Variants in CAMTA1 observed in about 807,000 individuals in gnomAD.
The protein encoded by CAMTA1 is calmodulin binding transcription activator 1.
In CAMTA1, 27 loss-of-function variants were observed where a neutral mutation model predicts 170.9. The observed-to-expected ratio is 0.16, with a 90% CI of 0.12 to 0.22. The LOEUF is 0.22. CAMTA1 is among the 10% of genes least tolerant of loss of function. The probability of loss-of-function intolerance (pLI) is 1.00; values close to 1 mark genes in which losing one functional copy is unlikely to be tolerated. For synonymous variants in CAMTA1, 833 were observed against 891.5 expected, an observed-to-expected ratio of 0.93 and a Z score of 1.17; for missense variants, 1,619 against 2,217.2, an observed-to-expected ratio of 0.73 and a Z score of 5.42.
chr1:7,166,637 A>G (rs1002243693), intron 4 of CAMTA1, among the ~76,000 whole-genome samples: 3 of 151,906 alleles, frequency 2.0e-5, no homozygotes, highest in African/African-American at 4.8e-5. Context: ...TTTCCTTGCT[A>G]TTGGATTGTC....
intron 2 of CAMTA1, among the ~76,000 whole-genome samples, chr1:6,820,795 C>G (rs1176199144): frequency 1.3e-5 from 2 of 152,146 alleles, no homozygotes; most frequent in East Asian, 3.8e-4. Context: ...TGCTTACTCC[C>G]TAATAAATAA....
intron 6 of CAMTA1, among the ~76,000 whole-genome samples, chr1:7,552,245 C>T (rs2094813422): frequency 1.3e-5 from 2 of 152,348 alleles, no homozygotes; most frequent in African/African-American, 4.8e-5. Context: ...ATGCTTCTGC[C>T]ACAAGAGGCT....
rs116516198 is a variant in CAMTA1, at chr1:7,738,580, C to T, written c.4182+98C>T. Reference sequence around the variant, plus strand: ...CCGAAGGTTGTGTCATTTTCCTCCCCGTGAAGCCTTCGAAGTTGGCTTTGT... The same window carrying T: ...CCGAAGGTTGTGTCATTTTCCTCCCTGTGAAGCCTTCGAAGTTGGCTTTGT... On this transcript the variant is annotated intron_variant, in intron 16 of 22. Coordinates refer to ENST00000303635, the MANE Select transcript of CAMTA1 (RefSeq NM_015215.4). This position sits in a 1 kb window ranked among gnomAD's most constrained non-coding sequence, Gnocchi z 4.9. 358 of 1,357,112 alleles carry T rather than the reference C, an allele frequency of 2.6e-4. 3 individuals carry two copies. The African/African-American group carries it at 3.9e-3, about 15-fold the overall frequency. The allele number at this position is 1,357,112 out of a possible 1,614,324, so 84.1% of individuals were successfully genotyped here. A position where few individuals can be genotyped will look rare whatever the true frequency, so the allele number is the denominator to read the frequency against.
chr1:6,851,831 T>C (rs976417549), intron 3 of CAMTA1, among the ~76,000 whole-genome samples: 1 of 151,966 alleles, frequency 6.6e-6, no homozygotes, highest in African/African-American at 2.4e-5. Flanking sequence ...CTGGCTGACA[T>C]GGTGAAACCC....
At chr1:7,690,565 C>A (rs1358079762) in intron 11 of CAMTA1, among the ~76,000 whole-genome samples, 1 of 152,258 alleles carries the variant, frequency 6.6e-6, no homozygotes, top group East Asian at 1.9e-4. Flanking sequence ...AGACACATGG[C>A]AGACTTCTGA....
At chr1:6,999,002 C>T (rs1212885541) in intron 3 of CAMTA1, among the ~76,000 whole-genome samples, 3 of 152,176 alleles carry the variant, frequency 2.0e-5, no homozygotes, top group Admixed American at 2.0e-4. Flanking sequence ...CACTTTTGTG[C>T]AGCCATCATA....
At position 7,443,113 on chromosome 1, in the gene CAMTA1, A is replaced by G. The variant is rs557110327; in HGVS notation, c.439-24717A>G. Among the ~76,000 whole-genome samples, 12 of 152,010 alleles carry G rather than the reference A, an allele frequency of 7.9e-5. No homozygotes were observed. The highest frequency in any genetic ancestry group is 2.9e-4 in the African/African-American group (12 of 41,546). On this transcript the variant is annotated intron_variant, in intron 5 of 22. Coordinates refer to ENST00000303635, the MANE Select transcript of CAMTA1 (RefSeq NM_015215.4). The surrounding 1 kb of genome is among the most constrained non-coding windows in gnomAD (Gnocchi z 4.1). ...CAACAGAACTGTCCCTCCCAGCTCA[A>G]GTATACTGTGTCTCTACCCAAGTCA...
At chr1:7,671,125 C>A in intron 10 of CAMTA1, 88 bp downstream of exon 10, 1 of 1,424,204 alleles carries the variant, frequency 7.0e-7, no homozygotes, top group Non-Finnish European at 9.7e-7. Flanking sequence ...TGACCTTGAG[C>A]AGGTCATGTC....
At chr1:6,812,406 G>A (rs937111452) in intron 1 of CAMTA1, among the ~76,000 whole-genome samples, 3 of 152,254 alleles carry the variant, frequency 2.0e-5, no homozygotes, top group Admixed American at 6.5e-5. Context: ...CTTGTTATAC[G>A]TACATAATAT....
rs185587694 is a variant in CAMTA1 at position 7,436,807 on chromosome 1, G to A, written c.439-31023G>A. ...AGTGGGGCTGGGGTCCCAGCGGGGCGGATGCAGAGGTAGAATGCAGGCTGT... is the reference window on the plus strand; with the variant it reads ...AGTGGGGCTGGGGTCCCAGCGGGGCAGATGCAGAGGTAGAATGCAGGCTGT... On this transcript the variant is annotated intron_variant, in intron 5 of 22. Transcript: ENST00000303635. 3.0e-4 allele frequency among the ~76,000 whole-genome samples: 46 copies of A among 152,286 alleles called. 1 individual carries two copies. In the Middle Eastern group the frequency reaches 0.02, roughly 68 times the overall value.
chr1:7,760,790 C>T (rs989682997), intron 22 of CAMTA1, among the ~76,000 whole-genome samples: 8 of 152,194 alleles, frequency 5.3e-5, no homozygotes, highest in Non-Finnish European at 1.2e-4. Flanking sequence ...AGGTAATAAT[C>T]AGAAAGCCGC....
chr1:6,822,227 G>A (rs1219587246), intron 2 of CAMTA1, among the ~76,000 whole-genome samples: 1 of 152,092 alleles, frequency 6.6e-6, no homozygotes, highest in African/African-American at 2.4e-5. Flanking sequence ...GAAAACTGGT[G>A]CATGTGTTTA....
At chr1:7,575,371 GC>G (rs980390974) in intron 6 of CAMTA1, among the ~76,000 whole-genome samples, 1 of 152,166 alleles carries the variant, frequency 6.6e-6, no homozygotes, top group Non-Finnish European at 1.5e-5. Context: ...AAACAGAGAG[GC>G]AGGGAGGTGG....
chr1:7,740,505 A>T (rs550061116), intron 16 of CAMTA1, among the ~76,000 whole-genome samples: 1 of 152,352 alleles, frequency 6.6e-6, no homozygotes, highest in South Asian at 2.1e-4. Context: ...ATTACATCGA[A>T]AATCAGCAGC....
In CAMTA1 at chr1:7,248,428, C is replaced by T. The variant is rs1034039616; in HGVS notation, c.303-1063C>T. The stretch of plus-strand genomic sequence containing the variant: ...TGAGGTGGCAAGCCTGCACTGGCCT[C>T]GTGGTGCGCAGAATCGCTGGCATTC... On this transcript the variant is annotated intron_variant, in intron 4 of 22. Coordinates refer to ENST00000303635, the MANE Select transcript of CAMTA1 (RefSeq NM_015215.4). The surrounding 1 kb of genome is among the most constrained non-coding windows in gnomAD (Gnocchi z 4.0). Among the ~76,000 whole-genome samples, 1 of 152,212 alleles carries T rather than the reference C, an allele frequency of 6.6e-6. No individual in the cohort carries two copies. Among genetic ancestry groups the T allele is most frequent in the African/African-American group, 2.4e-5 (1 of 41,454 alleles).
In CAMTA1 at chr1:7,248,933, C is replaced by A. The variant is rs568850229; in HGVS notation, c.303-558C>A. Reference sequence around the variant, plus strand: ...TACTTAGCTTGCTTGAGAAGCAAGACCGCAGATGCTCTTTCATATCTAGCA... The same window carrying A: ...TACTTAGCTTGCTTGAGAAGCAAGAACGCAGATGCTCTTTCATATCTAGCA... On this transcript the variant is annotated intron_variant, in intron 4 of 22. Coordinates refer to ENST00000303635, the MANE Select transcript of CAMTA1 (RefSeq NM_015215.4). The surrounding 1 kb of genome is among the most constrained non-coding windows in gnomAD (Gnocchi z 4.0). 6.6e-6 allele frequency among the ~76,000 whole-genome samples: 1 copy of A among 152,296 alleles called. No individual in the cohort carries two copies. Among genetic ancestry groups the A allele is most frequent in the South Asian group, 2.1e-4 (1 of 4,818 alleles).
At chr1:7,385,100 T>TC (rs904395338) in intron 5 of CAMTA1, among the ~76,000 whole-genome samples, 2 of 150,376 alleles carry the variant, frequency 1.3e-5, no homozygotes, top group African/African-American at 4.9e-5. Flanking sequence ...CTATTTTTTT[T>TC]TTTTTTTGAG....
chr1:7,361,411 G>A (rs1206427410), intron 5 of CAMTA1, among the ~76,000 whole-genome samples: 1 of 152,188 alleles, frequency 6.6e-6, no homozygotes, highest in Non-Finnish European at 1.5e-5. Flanking sequence ...AAGCTGGGGA[G>A]GTGACCTTCT....
At position 7,570,433 on chromosome 1, in the gene CAMTA1, C is replaced by G. The variant is rs573886646; in HGVS notation, c.511-69967C>G. On this transcript the variant is annotated intron_variant, in intron 6 of 22. Coordinates refer to ENST00000303635, the MANE Select transcript of CAMTA1 (RefSeq NM_015215.4). The surrounding 1 kb of genome is among the most constrained non-coding windows in gnomAD (Gnocchi z 4.3). ...GGGAGGAGGAAGCCAGGGGCAAACC[C>G]GGACCAGCCCGTGCATGTGCCAAGG... Among the ~76,000 whole-genome samples, 14 of 152,340 alleles carry G rather than the reference C, an allele frequency of 9.2e-5. No homozygotes were observed. In the South Asian group the frequency reaches 2.7e-3, roughly 29 times the overall value.
Sources: allele counts gnomAD v4.1 joint callset (sites outside exome capture counted in the v4.1 genomes callset), GRCh38; gene constraint gnomAD v4.1.1; non-coding constraint Gnocchi (gnomAD v3.1); transcripts MANE v1.5; gene names NCBI Gene and HGNC (gene_info 2026-07-23, HGNC 2026-07-21).